The following KCNQ5 variants were observed in gnomAD, a reference collection of about 807,000 sequenced individuals.
The protein encoded by KCNQ5 is potassium voltage-gated channel subfamily Q member 5, also known as potassium voltage-gated channel subfamily KQT member 5.
KCNQ5 carries 30 observed loss-of-function variants against 98.2 expected under a neutral mutation model. The ratio of observed to expected loss-of-function variants is 0.31; its 90% CI spans 0.23 to 0.41. The LOEUF is 0.41. Among genes scored for constraint, KCNQ5 ranks in the 10% least tolerant of loss-of-function variants. The pLI is 1.00. For synonymous variants in KCNQ5, 458 were observed against 449.4 expected (o/e 1.02, Z -0.24); for missense variants, 835 against 1,182.5 (o/e 0.71, Z 4.31).
intron 1 of KCNQ5, among the ~76,000 whole-genome samples, chr6:72,817,381 C>T (rs1260383484): frequency 6.6e-6 from 1 of 152,124 alleles, no homozygotes; most frequent in African/African-American, 2.4e-5. Context: ...TTTTAATGTG[C>T]ATTACTCACA....
At chr6:72,928,055 G>T (rs1449813872) in intron 1 of KCNQ5, among the ~76,000 whole-genome samples, 2 of 152,036 alleles carry the variant, frequency 1.3e-5, no homozygotes, top group East Asian at 3.9e-4. Context: ...AATGTGTACT[G>T]CTTGAGAACT....
At chr6:72,981,769 CT>C (rs1315965849) in intron 1 of KCNQ5, among the ~76,000 whole-genome samples, 1 of 152,178 alleles carries the variant, frequency 6.6e-6, no homozygotes, top group Non-Finnish European at 1.5e-5. Context: ...GATTTTAGAT[CT>C]TTCCTGCTTT....
At position 73,196,345 on chromosome 6, in the gene KCNQ5, A is replaced by T. The variant is rs1765791387; in HGVS notation, c.*931A>T. ...CAGGTAGGACTATGGGGGATGGGAC[A>T]TTTGAGTGGGACTGAGATAGGAAAG... On this transcript the variant is annotated 3_prime_UTR_variant, in exon 14 of 14. Transcript: ENST00000370398. 6.6e-6 allele frequency: 1 copy of T among 152,214 alleles called. No homozygotes were observed. Among genetic ancestry groups the T allele is most frequent in the Admixed American group, 6.5e-5 (1 of 15,276 alleles). The allele number at this position is 152,214 out of a possible 1,614,324, so 9.4% of individuals were successfully genotyped here.
At chr6:73,112,695 G>T (rs1775302401) in intron 7 of KCNQ5, among the ~76,000 whole-genome samples, 1 of 152,160 alleles carries the variant, frequency 6.6e-6, no homozygotes, top group African/African-American at 2.4e-5. Context: ...GTGGGTTGGT[G>T]GGAGATAACC....
In KCNQ5 at chr6:73,012,009, A is replaced by G. The variant is rs149992379; in HGVS notation, c.489+8011A>G. Among the ~76,000 whole-genome samples the G allele has an allele frequency of 1.1e-3, 174 of 152,242 alleles. 1 individual carries two copies. Among genetic ancestry groups the G allele is most frequent in the African/African-American group, 4.0e-3 (166 of 41,574 alleles). ...ATGTGGGAAAATGGAATCCTTGTTC[A>G]CAATTGGTGGGACTGTGAAATGCTA... On this transcript the variant is annotated intron_variant, in intron 2 of 13. Coordinates refer to ENST00000370398, the MANE Select transcript of KCNQ5 (RefSeq NM_019842.4).
At chr6:72,825,859 G>A (rs1775970208) in intron 1 of KCNQ5, among the ~76,000 whole-genome samples, 1 of 152,104 alleles carries the variant, frequency 6.6e-6, no homozygotes, top group South Asian at 2.1e-4. Context: ...GTAAATCAGT[G>A]TCATGGAATG....
intron 9 of KCNQ5, among the ~76,000 whole-genome samples, chr6:73,126,186 A>C (rs543661259): frequency 9.2e-5 from 14 of 152,228 alleles, no homozygotes; most frequent in Non-Finnish European, 8.8e-5. Flanking sequence ...TCAAAGGGTG[A>C]TCTGCCTCCA....
intron 1 of KCNQ5, among the ~76,000 whole-genome samples, chr6:72,715,027 A>G (rs1426945958): frequency 3.3e-5 from 5 of 152,236 alleles, no homozygotes; most frequent in African/African-American, 1.2e-4. Flanking sequence ...TTCTAAAATT[A>G]TACAGTTAAG....
chr6:72,726,759 G>C (rs1247126213), intron 1 of KCNQ5, among the ~76,000 whole-genome samples: 4 of 152,158 alleles, frequency 2.6e-5, no homozygotes, highest in Admixed American at 1.3e-4. Context: ...AGGAAAGAAA[G>C]AACAGTGAGG....
At chr6:72,962,202 C>CATAT (rs202160601) in intron 1 of KCNQ5, among the ~76,000 whole-genome samples, 2 of 56,538 alleles carry the variant, frequency 3.5e-5, no homozygotes, top group Non-Finnish European at 5.3e-5. Context: ...TATATATATA[C>CATAT]ATATATATAT....
chr6:72,766,026 C>CT (rs1772550788), intron 1 of KCNQ5, among the ~76,000 whole-genome samples: 1 of 151,980 alleles, frequency 6.6e-6, no homozygotes, highest in Admixed American at 6.6e-5. Context: ...AAGAAACTGC[C>CT]TTTATGTGGC....
At chr6:73,033,610 G>A (rs150433057) in intron 2 of KCNQ5, among the ~76,000 whole-genome samples, 1 of 152,214 alleles carries the variant, frequency 6.6e-6, no homozygotes, top group African/African-American at 2.4e-5. Flanking sequence ...CAGTGACACT[G>A]TCTGTCAAAA....
intron 1 of KCNQ5, among the ~76,000 whole-genome samples, chr6:72,984,140 T>C (rs901558298): frequency 2.0e-5 from 3 of 152,166 alleles, no homozygotes; most frequent in Non-Finnish European, 4.4e-5. Context: ...CTGGGAGCTG[T>C]CTCCCAGTTA....
intron 9 of KCNQ5, among the ~76,000 whole-genome samples, chr6:73,124,946 T>TCACTC (rs1775892802): frequency 1.3e-4 from 1 of 7,634 alleles, no homozygotes; most frequent in Non-Finnish European, 2.5e-4. Flanking sequence ...GATATATATA[T>TCACTC]ATATATATAT....
chr6:72,714,483 A>G (rs770981609), intron 1 of KCNQ5, among the ~76,000 whole-genome samples: 1 of 152,152 alleles, frequency 6.6e-6, no homozygotes, highest in Non-Finnish European at 1.5e-5. Context: ...CCTTTATAAC[A>G]CATCCCATGC....
At chr6:73,138,848 G>A (rs1776588530) in intron 10 of KCNQ5, among the ~76,000 whole-genome samples, 1 of 152,172 alleles carries the variant, frequency 6.6e-6, no homozygotes, top group Admixed American at 6.5e-5. Context: ...GGCACTGATG[G>A]TAATTCCTCT....
chr6:72,671,207 G>A (rs1407200498), intron 1 of KCNQ5, among the ~76,000 whole-genome samples: 1 of 152,104 alleles, frequency 6.6e-6, no homozygotes, highest in African/African-American at 2.4e-5. Context: ...GATTTTGAGG[G>A]GATACAACAT....
chr6:72,842,518 G>C (rs1776839629), intron 1 of KCNQ5, among the ~76,000 whole-genome samples: 1 of 152,132 alleles, frequency 6.6e-6, no homozygotes. Flanking sequence ...CATACTGGTG[G>C]AAGTGGCATA....
At chr6:72,956,212 T>C (rs1767040749) in intron 1 of KCNQ5, among the ~76,000 whole-genome samples, 1 of 152,194 alleles carries the variant, frequency 6.6e-6, no homozygotes, top group African/African-American at 2.4e-5. Flanking sequence ...AACATCTTTA[T>C]TTTACATATG....
Sources: gnomAD v4.1 joint callset for allele counts (sites outside exome capture counted in the v4.1 genomes callset) on GRCh38, gnomAD v4.1.1 for gene constraint, MANE v1.5 for transcripts, NCBI Gene and HGNC (gene_info 2026-07-23, HGNC 2026-07-21) for gene names.